HIP1: variants seen among roughly 807,000 people sequenced by gnomAD.
HIP1 encodes huntingtin-interacting protein 1.
In HIP1, 65 loss-of-function variants were observed where a neutral mutation model predicts 147.6. That is an observed-to-expected ratio of 0.44 (90% CI 0.36 to 0.54). HIP1 has a LOEUF of 0.54. Among genes scored for constraint, HIP1 ranks in the 20% least tolerant of loss-of-function variants. The pLI is 0.00. For synonymous variants in HIP1, 479 were observed against 504.0 expected (o/e 0.95, Z 0.67); for missense variants, 1,061 against 1,299.6 (o/e 0.82, Z 2.82).
At chr7:75,578,447 A>G (rs1795920869) in intron 7 of HIP1, among the ~76,000 whole-genome samples, 1 of 152,182 alleles carries the variant, frequency 6.6e-6, no homozygotes, top group Non-Finnish European at 1.5e-5. Flanking sequence ...AGGAAAAGGC[A>G]GGCACATCAC....
chr7:75,617,657 C>T (rs750195251), intron 1 of HIP1, among the ~76,000 whole-genome samples: 2 of 152,196 alleles, frequency 1.3e-5, no homozygotes, highest in African/African-American at 4.8e-5. Flanking sequence ...ATGTAGGGCA[C>T]AGGGTAAGAG....
intron 2 of HIP1, among the ~76,000 whole-genome samples, chr7:75,595,208 C>CTTTCTTTCTTTCTTTCTTTCTTTCT: frequency 1.4e-5 from 1 of 70,062 alleles, no homozygotes; most frequent in South Asian, 5.3e-4. Context: ...TTCTTTCTTT[C>CTTTCTTTCTTTCTTTCTTTCTTTCT]TTTCTTTCTT....
chr7:75,552,955 T>C (rs587694595), intron 22 of HIP1, among the ~76,000 whole-genome samples: 1 of 152,064 alleles, frequency 6.6e-6, no homozygotes, highest in South Asian at 2.1e-4. Context: ...CCTTTTTTTT[T>C]TCGAGATAGA....
intron 4 of HIP1, among the ~76,000 whole-genome samples, chr7:75,591,527 G>A (rs1477465178): frequency 6.6e-6 from 1 of 151,986 alleles, no homozygotes; most frequent in African/African-American, 2.4e-5. Flanking sequence ...TTAAGAATTG[G>A]GTATGCTAAT....
chr7:75,589,681 TC>T (rs1554500310), intron 4 of HIP1, among the ~76,000 whole-genome samples: 1 of 34,048 alleles, frequency 2.9e-5, no homozygotes, highest in East Asian at 8.1e-4. Flanking sequence ...AGACTCTGTC[TC>T]CAAAAAAAAA....
intron 5 of HIP1, among the ~76,000 whole-genome samples, chr7:75,583,141 A>T (rs1796120469): frequency 6.6e-6 from 1 of 152,002 alleles, no homozygotes; most frequent in African/African-American, 2.4e-5. Flanking sequence ...AGAGATGGCC[A>T]GTCCCCTCCT....
At chr7:75,691,950 G>A (rs554517218) in intron 1 of HIP1, among the ~76,000 whole-genome samples, 1 of 152,200 alleles carries the variant, frequency 6.6e-6, no homozygotes, top group Non-Finnish European at 1.5e-5. Context: ...AGGGGTGAAA[G>A]TATCTTGGAA....
chr7:75,589,767 G>A (rs1460379571), intron 4 of HIP1, among the ~76,000 whole-genome samples: 4 of 132,742 alleles, frequency 3.0e-5, no homozygotes, highest in African/African-American at 1.2e-4. Flanking sequence ...GTCTCTCTCT[G>A]TCACCTAGGC....
At chr7:75,721,379 A>T (rs1801499987) in intron 1 of HIP1, among the ~76,000 whole-genome samples, 2 of 152,048 alleles carry the variant, frequency 1.3e-5, no homozygotes, top group African/African-American at 4.8e-5. Flanking sequence ...ATCTAAAAAA[A>T]AAATTAGCTG....
intron 4 of HIP1, among the ~76,000 whole-genome samples, chr7:75,589,620 G>T (rs1796412619): frequency 6.9e-6 from 1 of 145,520 alleles, no homozygotes; most frequent in African/African-American, 2.6e-5. Flanking sequence ...GTGGCGAAGG[G>T]TGCAGTGAGC....
At chr7:75,647,712 A>G (rs574992120) in intron 1 of HIP1, among the ~76,000 whole-genome samples, 97 of 152,374 alleles carry the variant, frequency 6.4e-4, no homozygotes, top group Middle Eastern at 3.4e-3. Flanking sequence ...TGGCCCTGGC[A>G]GCAGCTGGTT....
intron 1 of HIP1, among the ~76,000 whole-genome samples, chr7:75,680,900 C>G (rs1404935886): frequency 6.6e-6 from 1 of 152,132 alleles, no homozygotes; most frequent in African/African-American, 2.4e-5. Context: ...CTCAGCCTCC[C>G]GAGTAGCTGG....
chr7:75,581,347 C>A, intron 6 of HIP1, 49 bp from the exon 7 acceptor site: 2 of 1,423,914 alleles, frequency 1.4e-6, no homozygotes, highest in South Asian at 2.4e-5. Flanking sequence ...TGAGGCCGGT[C>A]TGTTACCTGT....
At chr7:75,548,474 T>C (rs1356862641) in intron 23 of HIP1, among the ~76,000 whole-genome samples, 1 of 151,966 alleles carries the variant, frequency 6.6e-6, no homozygotes, top group African/African-American at 2.4e-5. Flanking sequence ...TCTTTTTTTT[T>C]TTTATAATTT....
At chr7:75,542,571 C>A (rs1338310122) in intron 28 of HIP1, among the ~76,000 whole-genome samples, 1 of 151,784 alleles carries the variant, frequency 6.6e-6, no homozygotes, top group Non-Finnish European at 1.5e-5. Flanking sequence ...TGGTGGCGGG[C>A]GCCTGTAATC....
chr7:75,691,586 G>A (rs2117298407), intron 1 of HIP1, among the ~76,000 whole-genome samples: 1 of 152,022 alleles, frequency 6.6e-6, no homozygotes, highest in African/African-American at 2.4e-5. Context: ...ATTACTTGAG[G>A]TCAGGAGTTT....
intron 1 of HIP1, among the ~76,000 whole-genome samples, chr7:75,704,182 G>C (rs1452240393): frequency 1.3e-5 from 2 of 152,038 alleles, no homozygotes; most frequent in Non-Finnish European, 2.9e-5. Flanking sequence ...AAAACAAATA[G>C]TCTTACACCA....
At chr7:75,634,086 T>C (rs587602335) in intron 1 of HIP1, among the ~76,000 whole-genome samples, 1 of 151,928 alleles carries the variant, frequency 6.6e-6, no homozygotes, top group African/African-American at 2.4e-5. Context: ...CAAAACCTCG[T>C]CTCTACCAAA....
At chr7:75,685,623 A>G (rs559469087) in intron 1 of HIP1, among the ~76,000 whole-genome samples, 16 of 152,324 alleles carry the variant, frequency 1.1e-4, no homozygotes, top group African/African-American at 3.8e-4. Flanking sequence ...ATCTCAGCTC[A>G]TTGCAGCCTC....
Sources: allele counts gnomAD v4.1 joint callset (sites outside exome capture counted in the v4.1 genomes callset), GRCh38; gene constraint gnomAD v4.1.1; transcripts MANE v1.5; gene names NCBI Gene and HGNC (gene_info 2026-07-23, HGNC 2026-07-21).